The following ARHGAP32 variants were observed in gnomAD, a reference collection of about 807,000 sequenced individuals.
The protein encoded by ARHGAP32 is Rho GTPase activating protein 32.
In ARHGAP32, 51 loss-of-function variants were observed where a neutral mutation model predicts 186.5. That is an observed-to-expected ratio of 0.27 (90% CI 0.22 to 0.35). The LOEUF (loss-of-function observed/expected upper bound fraction) is 0.35. Among genes scored for constraint, ARHGAP32 ranks in the 10% least tolerant of loss-of-function variants. The pLI, the probability that ARHGAP32 is intolerant of heterozygous loss-of-function variation, is 1.00. For missense variants in ARHGAP32, 2,186 were observed against 2,623.5 expected (o/e 0.83, Z 3.64); for synonymous variants, 950 against 964.3 (o/e 0.99, Z 0.27).
chr11:129,062,185 C>A, intron 10 of ARHGAP32, 95 bp downstream of exon 10: 1 of 997,006 alleles, frequency 1.0e-6, no homozygotes, highest in South Asian at 1.4e-5. Flanking sequence ...TTTCTGATGA[C>A]AAAGTCCATT....
At chr11:129,005,614 C>G (rs1052934975) in intron 11 of ARHGAP32, among the ~76,000 whole-genome samples, 3 of 152,186 alleles carry the variant, frequency 2.0e-5, no homozygotes, top group Admixed American at 6.6e-5. Context: ...ACTGAAAAGT[C>G]TGCTGCCAGA....
At chr11:129,032,726 G>GA (rs1487974312) in intron 11 of ARHGAP32, among the ~76,000 whole-genome samples, 1 of 152,200 alleles carries the variant, frequency 6.6e-6, no homozygotes, top group African/African-American at 2.4e-5. Flanking sequence ...CATCTGGATG[G>GA]AAAAAATATT....
rs967138145 is a variant in ARHGAP32, at chr11:129,039,514, G to A, written c.1045+1414C>T. Among the ~76,000 whole-genome samples the A allele has an allele frequency of 3.3e-5, 5 of 152,262 alleles. No individual in the cohort carries two copies. In the East Asian group the frequency reaches 7.7e-4, roughly 24 times the overall value. ...TGATTCCATTTATACAAAATGTCCA[G>A]AATAGGGAAATCAATAAAGACAGAA... On this transcript the variant is annotated intron_variant, in intron 11 of 22. Coordinates refer to ENST00000682385, the MANE Select transcript of ARHGAP32 (RefSeq NM_001378024.1).
intron 11 of ARHGAP32, among the ~76,000 whole-genome samples, chr11:129,024,772 C>T (rs1938759713): frequency 6.6e-6 from 1 of 152,216 alleles, no homozygotes; most frequent in East Asian, 1.9e-4. Flanking sequence ...TCCCAAGGTA[C>T]TTCTTTTCCT....
rs531394962 is a variant in ARHGAP32 at position 129,061,969 on chromosome 11, G to A, written c.963+311C>T. ...CAGAGAGGAAATATATGTGAATCCC[G>A]ATTAACAACCTGTATTAAAAGCAAG... On this transcript the variant is annotated intron_variant, in intron 10 of 22. Transcript: ENST00000682385. Among the ~76,000 whole-genome samples the A allele has an allele frequency of 3.3e-5, 5 of 152,174 alleles. No individual in the cohort carries two copies. The East Asian group carries it at 5.8e-4, about 18-fold the overall frequency.
chr11:128,980,681 C>G lies in ARHGAP32; in HGVS notation c.1848G>C (p.Glu616Asp). ...CCTGAGCTTGTGTTCGTGCCTGGGCCTCTTCCAATGTCAGCAGTTTGGTGG... is the reference window on the plus strand; with the variant it reads ...CCTGAGCTTGTGTTCGTGCCTGGGCGTCTTCCAATGTCAGCAGTTTGGTGG... ...SPSTKLLTLE[E>D]AQARTQAQVN... is the part of the protein sequence containing the mutation. The change falls in exon 18 of 23, where the codon GAG becomes GAC. Residue 616 changes from glutamate to aspartate, a missense_variant. Transcript: ENST00000682385. 6.2e-7 allele frequency: 1 copy of G among 1,613,932 alleles called. No individual in the cohort carries two copies.
intron 11 of ARHGAP32, among the ~76,000 whole-genome samples, chr11:129,036,380 CAAAAAAAAAAAAAAAA>C (rs58678377): frequency 1.0e-5 from 1 of 98,696 alleles, no homozygotes. Context: ...AACTCCGTCT[CAAAAAAAAAAAAAAAA>C]AAAAAAAAAA....
intron 11 of ARHGAP32, among the ~76,000 whole-genome samples, chr11:129,040,725 T>C (rs931965235): frequency 1.3e-5 from 2 of 152,152 alleles, no homozygotes; most frequent in African/African-American, 2.4e-5. Flanking sequence ...GCCTAAAAAT[T>C]TGAGTGCATG....
chr11:129,209,781 A>G (rs973627848), intron 1 of ARHGAP32, among the ~76,000 whole-genome samples: 1 of 152,240 alleles, frequency 6.6e-6, no homozygotes, highest in Non-Finnish European at 1.5e-5. Context: ...CATAAAATCA[A>G]TTCAGTGTAT....
At chr11:129,148,693 A>T (rs1943223351) in intron 2 of ARHGAP32, among the ~76,000 whole-genome samples, 1 of 152,176 alleles carries the variant, frequency 6.6e-6, no homozygotes, top group South Asian at 2.1e-4. Context: ...GGGAGGGGCA[A>T]GGTGGGAAAG....
In ARHGAP32 at chr11:128,968,913, T is replaced by C. The variant is rs147546090; in HGVS notation, c.6300A>G (p.Ala2100=). The C allele has an allele frequency of 1.4e-4, 216 of 1,514,022 alleles. 3 individuals carry two copies. In the Middle Eastern group the frequency reaches 5.9e-3, roughly 41 times the overall value. The allele number at this position is 1,514,022 out of a possible 1,614,324, so 93.8% of individuals were successfully genotyped here. A position where few individuals can be genotyped will look rare whatever the true frequency, so the allele number is the denominator to read the frequency against. Residue 2100 remains alanine (A), a synonymous_variant, in exon 23 of 23, where the codon GCA becomes GCG. Coordinates refer to ENST00000682385, the MANE Select transcript of ARHGAP32 (RefSeq NM_001378024.1). ...SLQHPETQIH[A]E Reference sequence around the variant, plus strand: ...ACTCTATTGCTCGCAGGGCTCATTCTGCATGGATCTGTGTTTCAGGATGCT... The same window carrying C: ...ACTCTATTGCTCGCAGGGCTCATTCCGCATGGATCTGTGTTTCAGGATGCT...
chr11:129,193,693 A>G (rs1238797115), upstream of ARHGAP32, among the ~76,000 whole-genome samples: 35 of 30,282 alleles, frequency 1.2e-3, no homozygotes, highest in African/African-American at 4.6e-3. Context: ...TATATATTAT[A>G]TAATATATAA....
At chr11:129,158,580 A>T (rs984144314) in intron 2 of ARHGAP32, among the ~76,000 whole-genome samples, 2 of 152,186 alleles carry the variant, frequency 1.3e-5, no homozygotes, top group African/African-American at 4.8e-5. Context: ...AGAGACCTAC[A>T]AAGAGACTTA....
Position 128,976,555 on chromosome 11 carries a change from A to T in ARHGAP32, c.2194+8T>A. Reference sequence around the variant, plus strand: ...ATAGAATAAAATGACTGATGCTTTTAGTCTTACCATCAACTGCATGGAGAG... The same window carrying T: ...ATAGAATAAAATGACTGATGCTTTTTGTCTTACCATCAACTGCATGGAGAG... On this transcript the variant is annotated splice_region_variant and intron_variant, in intron 20 of 22. Transcript: ENST00000682385. 3 of 1,610,722 alleles carry T rather than the reference A, an allele frequency of 1.9e-6. No homozygotes were observed. Among genetic ancestry groups the T allele is most frequent in the Non-Finnish European group, 2.5e-6 (3 of 1,177,052 alleles).
intron 2 of ARHGAP32, among the ~76,000 whole-genome samples, chr11:129,133,419 GAAAAC>G (rs1469002912): frequency 1.3e-5 from 2 of 152,086 alleles, no homozygotes; most frequent in African/African-American, 4.8e-5. Context: ...CAAGATCACA[GAAAAC>G]AAAACAAGTA....
chr11:129,153,489 A>G (rs1943335385), intron 2 of ARHGAP32, among the ~76,000 whole-genome samples: 1 of 152,206 alleles, frequency 6.6e-6, no homozygotes, highest in Non-Finnish European at 1.5e-5. Flanking sequence ...AAACTATACT[A>G]CAAGGTTATA....
intron 11 of ARHGAP32, among the ~76,000 whole-genome samples, chr11:129,039,418 T>C (rs1939496328): frequency 1.3e-5 from 2 of 152,246 alleles, no homozygotes; most frequent in Admixed American, 6.5e-5. Flanking sequence ...TGATACATGC[T>C]ACTGCACAGG....
At chr11:129,024,904 C>T (rs984235323) in intron 11 of ARHGAP32, among the ~76,000 whole-genome samples, 4 of 152,084 alleles carry the variant, frequency 2.6e-5, no homozygotes, top group Non-Finnish European at 5.9e-5. Flanking sequence ...TGCATAAATA[C>T]AATATAAATA....
intron 1 of ARHGAP32, among the ~76,000 whole-genome samples, chr11:129,233,097 G>T (rs1944880452): frequency 6.6e-6 from 1 of 151,258 alleles, no homozygotes; most frequent in African/African-American, 2.4e-5. Context: ...ATTTTTATTG[G>T]AGTATAATAT....
Sources: gnomAD v4.1 joint callset for allele counts (sites outside exome capture counted in the v4.1 genomes callset) on GRCh38, gnomAD v4.1.1 for gene constraint, MANE v1.5 for transcripts, NCBI Gene and HGNC (gene_info 2026-07-23, HGNC 2026-07-21) for gene names.